The following VTI1A variants were observed in gnomAD, a reference collection of about 807,000 sequenced individuals.
VTI1A encodes the protein vesicle transport through interaction with t-SNAREs homolog 1A.
In VTI1A, 22 loss-of-function variants were observed where a neutral mutation model predicts 34.9. The ratio of observed to expected loss-of-function variants is 0.63; its 90% CI spans 0.45 to 0.90. The LOEUF is 0.90. Among genes scored for constraint, VTI1A ranks in the 40% least tolerant of loss-of-function variants. The pLI is 0.00. For missense variants in VTI1A, 268 were observed against 275.6 expected (o/e 0.97, Z 0.20); for synonymous variants, 87 against 97.3 (o/e 0.89, Z 0.62).
rs1274753768 is a variant in VTI1A at position 112,818,472 on chromosome 10, T to C, written c.*3089T>C. 8.7e-6 allele frequency: 2 copies of C among 230,290 alleles called. No homozygotes were observed. Among genetic ancestry groups the C allele is most frequent in the Non-Finnish European group, 1.7e-5 (2 of 116,008 alleles). 14.3% of individuals were successfully genotyped at this position (230,290 alleles called of 1,614,324 possible). ...TTTCTCCTTTTTTTTTGCACATCTT[T>C]TCTTTAAAACTGTCAGATCATTTCA... On this transcript the variant is annotated 3_prime_UTR_variant, in exon 8 of 8. Transcript: ENST00000393077.
At chr10:112,849,880 G>T in the VTI1A span, among the ~76,000 whole-genome samples, 24 of 152,182 alleles carry the variant, frequency 1.6e-4, no homozygotes, top group African/African-American at 5.3e-4. Context: ...CCCTGGCGAG[G>T]TGGGTGCAAG....
intron 7 of VTI1A, among the ~76,000 whole-genome samples, chr10:112,771,040 C>G (rs1229073443): frequency 6.6e-6 from 1 of 152,094 alleles, no homozygotes; most frequent in Non-Finnish European, 1.5e-5. Flanking sequence ...TCGGGATTCC[C>G]CAGGACCCAA....
At chr10:112,493,100 C>A (rs1259027463) in intron 3 of VTI1A, among the ~76,000 whole-genome samples, 1 of 152,190 alleles carries the variant, frequency 6.6e-6, no homozygotes, top group Non-Finnish European at 1.5e-5. Context: ...CTTAAAAATA[C>A]TACATCTTCC....
intron 7 of VTI1A, among the ~76,000 whole-genome samples, chr10:112,800,368 G>C (rs1852836059): frequency 4.6e-5 from 7 of 152,228 alleles, no homozygotes; most frequent in Admixed American, 4.6e-4. Flanking sequence ...GCAGGAATCT[G>C]AGAAGGGATT....
rs149719800 is a variant in VTI1A, at chr10:112,687,097, G to A, written c.560+18099G>A. 1.4e-4 allele frequency among the ~76,000 whole-genome samples: 22 copies of A among 152,210 alleles called. No individual in the cohort carries two copies. In the East Asian group the frequency reaches 4.3e-3, roughly 29 times the overall value. On this transcript the variant is annotated intron_variant, in intron 7 of 7. Transcript: ENST00000393077. ...GAGAATCGGTGAATGGAGGGGTAGA[G>A]GGGAGCCAGGGCTAGATCCTGGAGG...
chr10:112,637,306 T>C (rs1422413266), intron 5 of VTI1A, among the ~76,000 whole-genome samples: 3 of 152,236 alleles, frequency 2.0e-5, no homozygotes, highest in Admixed American at 6.5e-5. Flanking sequence ...ACTTTATATA[T>C]GGTGTCAGCT....
intron 5 of VTI1A, among the ~76,000 whole-genome samples, chr10:112,637,125 C>A (rs1846386031): frequency 6.6e-6 from 1 of 152,082 alleles, no homozygotes; most frequent in Non-Finnish European, 1.5e-5. Context: ...TTATTCCTAA[C>A]TTTTATTTAG....
chr10:112,839,913 C>T, the VTI1A span, among the ~76,000 whole-genome samples: 1 of 143,464 alleles, frequency 7.0e-6, no homozygotes, highest in South Asian at 2.2e-4. Flanking sequence ...CCCAACTCCA[C>T]ATACCCAGTA....
chr10:112,453,556 A>G (rs1172124897), intron 1 of VTI1A, among the ~76,000 whole-genome samples: 3 of 152,166 alleles, frequency 2.0e-5, no homozygotes, highest in African/African-American at 4.8e-5. Flanking sequence ...TTATATTCCA[A>G]TACTACTTTA....
At chr10:112,683,693 A>G (rs1048371132) in intron 7 of VTI1A, among the ~76,000 whole-genome samples, 3 of 152,002 alleles carry the variant, frequency 2.0e-5, no homozygotes, top group Admixed American at 6.6e-5. Context: ...AGCCTTTGTG[A>G]TTTGTATTTT....
At chr10:112,580,884 C>A (rs1203999922) in intron 5 of VTI1A, among the ~76,000 whole-genome samples, 2 of 152,128 alleles carry the variant, frequency 1.3e-5, no homozygotes, top group African/African-American at 4.8e-5. Context: ...TTAGGAATAA[C>A]TACGTACTGG....
Position 112,545,126 on chromosome 10 carries a change from G to A in VTI1A, c.427+6796G>A, listed in dbSNP as rs534928393. 3.3e-5 allele frequency among the ~76,000 whole-genome samples: 5 copies of A among 152,324 alleles called. 1 individual carries two copies. The highest frequency in any genetic ancestry group is 4.1e-4 in the South Asian group (2 of 4,826). ...CTGAAATTGCCAACAGAGGAATTTG[G>A]TCGTGAAGATACAGGAAAAATTATA... On this transcript the variant is annotated intron_variant, in intron 5 of 7. Coordinates refer to ENST00000393077, the MANE Select transcript of VTI1A (RefSeq NM_145206.4).
At chr10:112,525,739 T>TAAGGAACCCC (rs57353012) in intron 3 of VTI1A, among the ~76,000 whole-genome samples, 20,150 of 152,104 alleles carry the variant, frequency 0.13, 1,558 homozygotes, top group East Asian at 0.26. Context: ...GTGGTTAAGA[T>TAAGGAACCCC]AATTGGGAAA....
chr10:112,846,720 C>A, the VTI1A span, among the ~76,000 whole-genome samples: 1 of 148,928 alleles, frequency 6.7e-6, no homozygotes, highest in Admixed American at 6.7e-5. Context: ...GAGCCGAGAT[C>A]GCGCCACTGC....
Position 112,767,358 on chromosome 10 carries a change from T to C in VTI1A, c.561-47932T>C, listed in dbSNP as rs1208321176. On this transcript the variant is annotated intron_variant, in intron 7 of 7. Coordinates refer to ENST00000393077, the MANE Select transcript of VTI1A (RefSeq NM_145206.4). This position sits in a 1 kb window ranked among gnomAD's most constrained non-coding sequence, Gnocchi z 4.0. Reference sequence around the variant, plus strand: ...GCTGGTCTGACCTCAGAGCCCATACTCTTAATCATTTGTTTATTTTGCTTC... The same window carrying C: ...GCTGGTCTGACCTCAGAGCCCATACCCTTAATCATTTGTTTATTTTGCTTC... 6.6e-6 allele frequency among the ~76,000 whole-genome samples: 1 copy of C among 152,222 alleles called. No homozygotes were observed. Among genetic ancestry groups the C allele is most frequent in the Admixed American group, 6.5e-5 (1 of 15,286 alleles).
intron 5 of VTI1A, among the ~76,000 whole-genome samples, chr10:112,634,495 A>G (rs1846264652): frequency 8.7e-6 from 1 of 115,400 alleles, no homozygotes. Flanking sequence ...ATACACACAC[A>G]CACAGACACA....
chr10:112,812,876 G>C (rs943554765), intron 7 of VTI1A, among the ~76,000 whole-genome samples: 1 of 152,214 alleles, frequency 6.6e-6, no homozygotes, highest in Non-Finnish European at 1.5e-5. Context: ...CTTTGACGGG[G>C]CTTGCTTCAA....
intron 3 of VTI1A, among the ~76,000 whole-genome samples, chr10:112,523,311 A>T (rs1329441706): frequency 1.3e-5 from 2 of 152,106 alleles, no homozygotes; most frequent in African/African-American, 4.8e-5. Flanking sequence ...TAAAAATCGA[A>T]AATCGCCTTG....
intron 7 of VTI1A, among the ~76,000 whole-genome samples, chr10:112,699,803 G>A: frequency 6.7e-6 from 1 of 150,346 alleles, no homozygotes; most frequent in Non-Finnish European, 1.5e-5. Flanking sequence ...ACTCCAGCCT[G>A]GGCAATAGAG....
Sources: allele counts gnomAD v4.1 joint callset (sites outside exome capture counted in the v4.1 genomes callset), GRCh38; gene constraint gnomAD v4.1.1; non-coding constraint Gnocchi (gnomAD v3.1); transcripts MANE v1.5; gene names NCBI Gene and HGNC (gene_info 2026-07-23, HGNC 2026-07-21).